DCC: variants seen among roughly 807,000 people sequenced by gnomAD.
DCC encodes the protein DCC netrin 1 receptor.
In DCC, 58 loss-of-function variants were observed where a neutral mutation model predicts 172.5. That is an observed-to-expected ratio of 0.34 (90% CI 0.27 to 0.42). DCC has a LOEUF of 0.42. Ranked by LOEUF, DCC falls within the 10% of genes least tolerant of loss-of-function variation. The probability of loss-of-function intolerance (pLI) is 1.00; values close to 1 mark genes in which losing one functional copy is unlikely to be tolerated. For missense variants in DCC, 1,740 were observed against 1,791.0 expected (o/e 0.97, Z 0.51); for synonymous variants, 709 against 644.5 (o/e 1.10, Z -1.52).
At chr18:52,946,418 G>T (rs569114167) in intron 5 of DCC, among the ~76,000 whole-genome samples, 2 of 152,144 alleles carry the variant, frequency 1.3e-5, no homozygotes, top group Non-Finnish European at 2.9e-5. Context: ...AGGTATTGCC[G>T]CAATAATACT....
At chr18:52,664,361 A>C (rs1857794649) in intron 1 of DCC, among the ~76,000 whole-genome samples, 1 of 151,782 alleles carries the variant, frequency 6.6e-6, no homozygotes, top group South Asian at 2.1e-4. Flanking sequence ...CTTTTGCTAC[A>C]TTTTTTTAAA....
intron 1 of DCC, among the ~76,000 whole-genome samples, chr18:52,577,554 A>C (rs2033443266): frequency 6.6e-6 from 1 of 152,194 alleles, no homozygotes; most frequent in South Asian, 2.1e-4. Context: ...TATAATTGAA[A>C]ACCTTTATTC....
intron 2 of DCC, among the ~76,000 whole-genome samples, chr18:52,798,767 T>TTC (rs1555664553): frequency 1.7e-4 from 25 of 151,318 alleles, no homozygotes; most frequent in South Asian, 4.2e-4. Flanking sequence ...CTTTTTTTTT[T>TTC]TTAAGGTGGA....
At chr18:52,683,900 G>A (rs921503533) in intron 1 of DCC, among the ~76,000 whole-genome samples, 3 of 152,066 alleles carry the variant, frequency 2.0e-5, no homozygotes, top group Non-Finnish European at 4.4e-5. Flanking sequence ...ACAACCAATG[G>A]AATCCTCGTA....
At chr18:52,765,275 C>T (rs1568088998) in intron 2 of DCC, among the ~76,000 whole-genome samples, 1 of 149,188 alleles carries the variant, frequency 6.7e-6, no homozygotes, top group East Asian at 2.0e-4. Context: ...GAACTCCTGA[C>T]CTCAAGTGAT....
chr18:52,820,595 G>A (rs1216898565), intron 2 of DCC, among the ~76,000 whole-genome samples: 1 of 152,058 alleles, frequency 6.6e-6, no homozygotes, highest in Non-Finnish European at 1.5e-5. Flanking sequence ...TGAACAGGAT[G>A]AAAAGGGCAG....
intron 1 of DCC, among the ~76,000 whole-genome samples, chr18:52,430,937 G>A (rs1211571800): frequency 2.6e-5 from 4 of 152,112 alleles, no homozygotes; most frequent in Non-Finnish European, 4.4e-5. Context: ...AAACCTTTTA[G>A]AGGAATTTAC....
Position 52,668,490 on chromosome 18 carries a change from C to T in DCC, c.92-83564C>T, listed in dbSNP as rs535162852. 3.3e-5 allele frequency among the ~76,000 whole-genome samples: 5 copies of T among 152,244 alleles called. No individual in the cohort carries two copies. The South Asian group carries it at 1.0e-3, about 32-fold the overall frequency. On this transcript the variant is annotated intron_variant, in intron 1 of 28. Transcript: ENST00000442544. ...AAGTGCTGTTAGTTCACAAGATGAT[C>T]TCTCATCTTGAAAGTGTCTGATGTG...
chr18:53,035,955 C>A (rs1006026334), intron 5 of DCC, among the ~76,000 whole-genome samples: 1 of 152,002 alleles, frequency 6.6e-6, no homozygotes, highest in African/African-American at 2.4e-5. Context: ...AATATCCATG[C>A]TCATTCATCA....
At chr18:53,170,873 T>C (rs973797097) in intron 8 of DCC, among the ~76,000 whole-genome samples, 3 of 152,116 alleles carry the variant, frequency 2.0e-5, no homozygotes, top group Non-Finnish European at 4.4e-5. Flanking sequence ...TTGAGGTTTG[T>C]TTTTTGTTGT....
chr18:52,538,039 C>A (rs1337500053), intron 1 of DCC, among the ~76,000 whole-genome samples: 1 of 152,200 alleles, frequency 6.6e-6, no homozygotes, highest in Non-Finnish European at 1.5e-5. Context: ...TGTGCATGAA[C>A]CATCACAAAG....
chr18:52,417,012 G>A (rs868040504), intron 1 of DCC, among the ~76,000 whole-genome samples: 15 of 152,210 alleles, frequency 9.9e-5, no homozygotes, highest in South Asian at 6.2e-4. Context: ...GGCTGGTACC[G>A]GTTGTTCCTC....
intron 1 of DCC, among the ~76,000 whole-genome samples, chr18:52,395,590 G>T (rs1337772644): frequency 1.3e-5 from 2 of 152,050 alleles, no homozygotes; most frequent in African/African-American, 2.4e-5. Context: ...TTTTAAAGGT[G>T]CAAACTCTCT....
intron 2 of DCC, among the ~76,000 whole-genome samples, chr18:52,868,480 G>C (rs567584854): frequency 3.0e-3 from 452 of 152,256 alleles, no homozygotes; most frequent in African/African-American, 0.011. Context: ...AACCGCTGTT[G>C]CAAAAGTATG....
At chr18:53,071,433 A>T (rs1157338802) in intron 7 of DCC, among the ~76,000 whole-genome samples, 2 of 152,212 alleles carry the variant, frequency 1.3e-5, no homozygotes, top group African/African-American at 2.4e-5. Flanking sequence ...AAATCGTTAC[A>T]CTACAGGAGG....
At chr18:52,843,432 G>A (rs2145322915) in intron 2 of DCC, among the ~76,000 whole-genome samples, 1 of 152,166 alleles carries the variant, frequency 6.6e-6, no homozygotes, top group South Asian at 2.1e-4. Flanking sequence ...ATCAAGCAGA[G>A]AAATACAAAG....
intron 1 of DCC, among the ~76,000 whole-genome samples, chr18:52,505,214 T>TC (rs1214955844): frequency 7.3e-6 from 1 of 137,120 alleles, no homozygotes; most frequent in African/African-American, 2.7e-5. Flanking sequence ...TTCAGCAGCA[T>TC]TTTATTCAGT....
At chr18:53,361,953 A>G (rs1358226908) in intron 15 of DCC, among the ~76,000 whole-genome samples, 3 of 152,206 alleles carry the variant, frequency 2.0e-5, no homozygotes, top group Non-Finnish European at 4.4e-5. Flanking sequence ...AGGGAATTCT[A>G]TAAAAGTATT....
intron 15 of DCC, among the ~76,000 whole-genome samples, chr18:53,380,638 A>G (rs986394347): frequency 3.9e-5 from 6 of 152,140 alleles, no homozygotes; most frequent in Admixed American, 3.3e-4. Context: ...GCTCCTGGAA[A>G]AGGCAGTCAA....
Sources: allele counts gnomAD v4.1 joint callset (sites outside exome capture counted in the v4.1 genomes callset), GRCh38; gene constraint gnomAD v4.1.1; transcripts MANE v1.5; gene names NCBI Gene and HGNC (gene_info 2026-07-23, HGNC 2026-07-21).